The following DCC variants were observed in gnomAD, a reference collection of about 807,000 sequenced individuals.
DCC encodes the protein DCC netrin 1 receptor, also known as netrin receptor DCC.
Under a neutral mutation model 172.5 loss-of-function variants are expected in DCC, and 58 were observed. That is an observed-to-expected ratio of 0.34 (90% CI 0.27 to 0.42). DCC has a LOEUF of 0.42. Among genes scored for constraint, DCC ranks in the 10% least tolerant of loss-of-function variants. DCC has a pLI of 1.00. For synonymous variants in DCC, 709 were observed against 644.5 expected, an observed-to-expected ratio of 1.10 and a Z score of -1.52; for missense variants, 1,740 against 1,791.0, an observed-to-expected ratio of 0.97 and a Z score of 0.51.
chr18:52,633,060 C>T (rs1288326947), intron 1 of DCC, among the ~76,000 whole-genome samples: 2 of 152,116 alleles, frequency 1.3e-5, no homozygotes, highest in African/African-American at 4.8e-5. Flanking sequence ...GCATTCTGGA[C>T]ATAAAGACCT....
chr18:53,328,349 A>C (rs947766381), intron 14 of DCC, among the ~76,000 whole-genome samples: 2 of 152,162 alleles, frequency 1.3e-5, no homozygotes, highest in Non-Finnish European at 2.9e-5. Flanking sequence ...TTGGGCAAAT[A>C]ACTTTCCCAT....
intron 9 of DCC, among the ~76,000 whole-genome samples, chr18:53,183,108 T>C (rs946593812): frequency 6.6e-6 from 1 of 152,266 alleles, no homozygotes; most frequent in South Asian, 2.1e-4. Flanking sequence ...GAATTTCAAG[T>C]TTTTCATATT....
intron 7 of DCC, among the ~76,000 whole-genome samples, chr18:53,146,671 A>G (rs932483608): frequency 6.6e-6 from 1 of 152,236 alleles, no homozygotes; most frequent in African/African-American, 2.4e-5. Flanking sequence ...TTCAAGAAAA[A>G]AAAGGTCACT....
At chr18:52,581,123 C>T (rs2033536008) in intron 1 of DCC, among the ~76,000 whole-genome samples, 1 of 145,102 alleles carries the variant, frequency 6.9e-6, no homozygotes, top group Non-Finnish European at 1.5e-5. Flanking sequence ...TAAATATAGA[C>T]AGATAAATAC....
chr18:52,416,816 CTCTT>C (rs1987049722), intron 1 of DCC, among the ~76,000 whole-genome samples: 1 of 152,098 alleles, frequency 6.6e-6, no homozygotes, highest in Non-Finnish European at 1.5e-5. Flanking sequence ...TGGGTCTTGA[CTCTT>C]TATCCAATTT....
At chr18:52,455,297 C>T (rs1319371557) in intron 1 of DCC, among the ~76,000 whole-genome samples, 1 of 152,244 alleles carries the variant, frequency 6.6e-6, no homozygotes. Flanking sequence ...CAGCTGAGCT[C>T]TCTTTGCTGC....
chr18:53,372,472 G>A (rs989719788), intron 15 of DCC, among the ~76,000 whole-genome samples: 1 of 151,944 alleles, frequency 6.6e-6, no homozygotes, highest in Admixed American at 6.6e-5. Context: ...TAAAGGGTAG[G>A]GGGAGGGAGA....
intron 8 of DCC, among the ~76,000 whole-genome samples, chr18:53,171,488 A>G (rs1399286747): frequency 1.3e-5 from 2 of 152,238 alleles, no homozygotes; most frequent in Non-Finnish European, 2.9e-5. Flanking sequence ...CTGAGAAAGT[A>G]TGAATTGTCC....
chr18:53,426,293 ATATATATTTATAATATATAT>A (rs531833849), intron 21 of DCC, among the ~76,000 whole-genome samples: 3,402 of 117,592 alleles, frequency 0.029, 81 homozygotes, highest in African/African-American at 0.062. Flanking sequence ...CATATTTATA[ATATATATTTATAATATATAT>A]TATATATTTA....
chr18:53,052,576 T>A (rs185780058), intron 5 of DCC, among the ~76,000 whole-genome samples: 1 of 152,090 alleles, frequency 6.6e-6, no homozygotes, highest in Non-Finnish European at 1.5e-5. Context: ...TCCCTTAAGC[T>A]CCAGTTTGAA....
chr18:52,830,705 G>A (rs1012565738), intron 2 of DCC, among the ~76,000 whole-genome samples: 6 of 152,104 alleles, frequency 3.9e-5, no homozygotes, highest in Non-Finnish European at 5.9e-5. Context: ...TTATTTAATT[G>A]TAACTGTTAA....
At chr18:52,342,136 A>G (rs1432012916) in intron 1 of DCC, among the ~76,000 whole-genome samples, 2 of 152,210 alleles carry the variant, frequency 1.3e-5, no homozygotes, top group African/African-American at 2.4e-5. Context: ...GGATTCAGAC[A>G]GTCAAGCGCC....
At chr18:52,896,525 T>G (rs2039733017) in intron 2 of DCC, among the ~76,000 whole-genome samples, 1 of 152,206 alleles carries the variant, frequency 6.6e-6, no homozygotes, top group African/African-American at 2.4e-5. Context: ...GCATTGATGT[T>G]CAGTATAATT....
intron 1 of DCC, among the ~76,000 whole-genome samples, chr18:52,592,277 T>C (rs1483072582): frequency 6.6e-6 from 1 of 152,158 alleles, no homozygotes; most frequent in Non-Finnish European, 1.5e-5. Flanking sequence ...CAGAAGAAAC[T>C]TTTTGCAGAG....
chr18:52,858,863 G>A (rs2039092130), intron 2 of DCC, among the ~76,000 whole-genome samples: 1 of 152,194 alleles, frequency 6.6e-6, no homozygotes, highest in Admixed American at 6.5e-5. Context: ...CTTTTCTGGA[G>A]TTTCAGGGAA....
chr18:53,521,584 C>T (rs1040420716), intron 27 of DCC, among the ~76,000 whole-genome samples: 7 of 152,206 alleles, frequency 4.6e-5, no homozygotes, highest in Non-Finnish European at 8.8e-5. Context: ...TTTACTTTTA[C>T]GTTTCTCAGA....
intron 7 of DCC, among the ~76,000 whole-genome samples, chr18:53,105,841 C>A (rs2043238191): frequency 1.3e-5 from 2 of 151,624 alleles, no homozygotes; most frequent in African/African-American, 4.8e-5. Context: ...TGCCATCATG[C>A]CTGCCTGGAA....
intron 15 of DCC, among the ~76,000 whole-genome samples, chr18:53,378,883 A>C (rs555535985): frequency 6.7e-6 from 1 of 148,654 alleles, no homozygotes; most frequent in Non-Finnish European, 1.5e-5. Context: ...ATTTCTAGAA[A>C]AGAAAAAAAG....
intron 7 of DCC, among the ~76,000 whole-genome samples, chr18:53,121,546 A>T (rs957869757): frequency 6.6e-6 from 1 of 151,886 alleles, no homozygotes; most frequent in African/African-American, 2.4e-5. Flanking sequence ...TGAATTCATG[A>T]TTCTACAGTC....
Sources: gnomAD v4.1 joint callset for allele counts (sites outside exome capture counted in the v4.1 genomes callset) on GRCh38, gnomAD v4.1.1 for gene constraint, MANE v1.5 for transcripts, NCBI Gene and HGNC (gene_info 2026-07-23, HGNC 2026-07-21) for gene names.